The following COL4A6 variants were observed in gnomAD, a reference collection of about 807,000 sequenced individuals.
COL4A6 encodes collagen alpha-6(IV) chain.
In COL4A6, 59 loss-of-function variants were observed where a neutral mutation model predicts 126.7. The observed-to-expected ratio is 0.47, with a 90% CI of 0.38 to 0.58. The LOEUF (loss-of-function observed/expected upper bound fraction) is 0.58. Among genes scored for constraint, COL4A6 ranks in the 20% least tolerant of loss-of-function variants. The pLI, the probability that COL4A6 is intolerant of heterozygous loss-of-function variation, is 0.00. For missense variants in COL4A6, 1,285 were observed against 1,337.3 expected, an observed-to-expected ratio of 0.96 and a Z score of 0.61; for synonymous variants, 547 against 496.6, an observed-to-expected ratio of 1.10 and a Z score of -1.35.
At chrX:108,266,525 C>T (rs1396842967) in intron 3 of COL4A6, among the ~76,000 whole-genome samples, 7 of 111,396 alleles carry the variant, frequency 6.3e-5, no homozygotes, top group African/African-American at 1.6e-4. Flanking sequence ...TTTCTCATTT[C>T]AAAACGTGTA....
intron 2 of COL4A6, among the ~76,000 whole-genome samples, chrX:108,423,313 A>C (rs926837454): frequency 1.8e-5 from 2 of 112,279 alleles, no homozygotes; most frequent in South Asian, 7.4e-4. Context: ...TCAAGTTCTT[A>C]ACAATAACCC....
intron 2 of COL4A6, among the ~76,000 whole-genome samples, chrX:108,357,395 C>T (rs752955924): frequency 9.0e-5 from 10 of 111,267 alleles, no homozygotes; most frequent in African/African-American, 3.3e-4. Flanking sequence ...TGGTTTGACT[C>T]CATCTCAGCT....
intron 13 of COL4A6, among the ~76,000 whole-genome samples, chrX:108,200,616 G>A (rs78233010): frequency 0.049 from 5,475 of 111,429 alleles, 190 homozygotes; most frequent in African/African-American, 0.11. Context: ...GGGGTGGGGG[G>A]AGAGATGGAG....
At chrX:108,200,241 TA>T (rs2035349089) in intron 13 of COL4A6, among the ~76,000 whole-genome samples, 2 of 112,786 alleles carry the variant, frequency 1.8e-5, no homozygotes, top group Admixed American at 1.9e-4. Context: ...TTAAATGATA[TA>T]TTTTACTTAA....
At chrX:108,388,252 C>T (rs1161312429) in intron 2 of COL4A6, among the ~76,000 whole-genome samples, 2 of 111,838 alleles carry the variant, frequency 1.8e-5, no homozygotes, top group Non-Finnish European at 3.8e-5. Context: ...GGGAGGATTC[C>T]CTCTTTTTCT....
At chrX:108,285,315 G>T (rs1482454566) in intron 3 of COL4A6, among the ~76,000 whole-genome samples, 1 of 111,999 alleles carries the variant, frequency 8.9e-6, no homozygotes, top group East Asian at 2.8e-4. Flanking sequence ...TATTTCTCTA[G>T]ATTGTTAGTT....
intron 3 of COL4A6, among the ~76,000 whole-genome samples, chrX:108,257,041 C>T (rs1432815943): frequency 9.0e-6 from 1 of 111,493 alleles, no homozygotes; most frequent in Non-Finnish European, 1.9e-5. Flanking sequence ...ATGGTTATCT[C>T]TCAAAGAACT....
At chrX:108,354,079 T>G (rs933771624) in intron 2 of COL4A6, among the ~76,000 whole-genome samples, 45 of 111,620 alleles carry the variant, frequency 4.0e-4, no homozygotes, top group Middle Eastern at 4.7e-3. Flanking sequence ...CTTGAACCCG[T>G]GTGGCAGAGG....
chrX:108,190,048 G>A (rs2034990672), intron 20 of COL4A6, among the ~76,000 whole-genome samples: 1 of 112,167 alleles, frequency 8.9e-6, no homozygotes, highest in Non-Finnish European at 1.9e-5. Context: ...CCCAGGTCTT[G>A]ACCTGTTTAG....
intron 2 of COL4A6, among the ~76,000 whole-genome samples, chrX:108,381,599 T>C (rs1452679858): frequency 9.0e-6 from 1 of 111,561 alleles, no homozygotes; most frequent in Admixed American, 9.5e-5. Flanking sequence ...AATTGCAAAA[T>C]GGAATATTAG....
At chrX:108,179,677 A>C (rs1051484488) in intron 25 of COL4A6, among the ~76,000 whole-genome samples, 3 of 109,242 alleles carry the variant, frequency 2.7e-5, no homozygotes, top group African/African-American at 1.0e-4. Context: ...GAGGTCCACA[A>C]ACTGTTCCTG....
rs780226595 is a variant in COL4A6 at position 108,196,480 on chromosome X, G to C, written c.903+31C>G. 11 of 1,178,465 alleles carry C rather than the reference G, an allele frequency of 9.3e-6. No individual in the cohort carries two copies. In the South Asian group the frequency reaches 2.0e-4, roughly 21 times the overall value. On this transcript the variant is annotated intron_variant, in intron 14 of 44. Coordinates refer to ENST00000334504, the MANE Select transcript of COL4A6 (RefSeq NM_033641.4). ...AGAAAATGGACTAGATGACTTGACAGACCCAGGCAAGTAACATTCGAGGTT... is the reference window on the plus strand; with the variant it reads ...AGAAAATGGACTAGATGACTTGACACACCCAGGCAAGTAACATTCGAGGTT...
chrX:108,337,345 A>G (rs917577665), intron 2 of COL4A6, among the ~76,000 whole-genome samples: 1 of 112,094 alleles, frequency 8.9e-6, no homozygotes, highest in African/African-American at 3.2e-5. Flanking sequence ...TAGATGCCCA[A>G]TAAATACTTA....
intron 3 of COL4A6, among the ~76,000 whole-genome samples, chrX:108,308,409 C>T (rs1043910347): frequency 2.7e-5 from 3 of 112,216 alleles, no homozygotes; most frequent in Non-Finnish European, 5.6e-5. Flanking sequence ...AACTGCTTCT[C>T]ACCCTGCCAC....
chrX:108,184,458 T>C (rs962121357), intron 23 of COL4A6, among the ~76,000 whole-genome samples: 2 of 111,550 alleles, frequency 1.8e-5, no homozygotes, highest in African/African-American at 6.5e-5. Context: ...TTAATCTCTT[T>C]CTCGGGAGAC....
intron 20 of COL4A6, among the ~76,000 whole-genome samples, chrX:108,189,994 G>A (rs1452421954): frequency 8.9e-6 from 1 of 112,495 alleles, no homozygotes; most frequent in Admixed American, 9.4e-5. Flanking sequence ...AACACCAGTG[G>A]GGGCTAGGGT....
intron 2 of COL4A6, among the ~76,000 whole-genome samples, chrX:108,366,556 C>G (rs1050700016): frequency 8.9e-6 from 1 of 112,053 alleles, no homozygotes; most frequent in Non-Finnish European, 1.9e-5. Flanking sequence ...GGGTTTCTCC[C>G]TGCCCCCTAC....
chrX:108,245,827 G>A (rs1054374290), intron 3 of COL4A6, among the ~76,000 whole-genome samples: 1 of 111,836 alleles, frequency 8.9e-6, no homozygotes, highest in African/African-American at 3.2e-5. Context: ...AATGAATTCT[G>A]AATTTCTTAG....
At chrX:108,285,652 T>C (rs991079871) in intron 3 of COL4A6, among the ~76,000 whole-genome samples, 3 of 111,546 alleles carry the variant, frequency 2.7e-5, no homozygotes, top group Non-Finnish European at 5.6e-5. Context: ...TTGGTTTGTA[T>C]GGCACCTTGC....
Sources: gnomAD v4.1 joint callset for allele counts (sites outside exome capture counted in the v4.1 genomes callset) on GRCh38, gnomAD v4.1.1 for gene constraint, MANE v1.5 for transcripts, NCBI Gene and HGNC (gene_info 2026-07-23, HGNC 2026-07-21) for gene names.